CDH18: variants seen among roughly 807,000 people sequenced by gnomAD.
CDH18 encodes cadherin-18.
In CDH18, 31 loss-of-function variants were observed where a neutral mutation model predicts 67.9. The observed-to-expected ratio is 0.46, with a 90% confidence interval of 0.34 to 0.62. The LOEUF (loss-of-function observed/expected upper bound fraction) is 0.62. Ranked by LOEUF, CDH18 falls within the 20% of genes least tolerant of loss-of-function variation. The pLI is 0.01. For missense variants in CDH18, 890 were observed against 975.5 expected (o/e 0.91, Z 1.17); for synonymous variants, 362 against 347.2 (o/e 1.04, Z -0.48).
chr5:20,275,123 G>A (rs1745709691), intron 1 of CDH18, among the ~76,000 whole-genome samples: 1 of 152,062 alleles, frequency 6.6e-6, no homozygotes, highest in South Asian at 2.1e-4. Flanking sequence ...GAGGAGAAAT[G>A]ATATTGGGAC....
At chr5:19,517,545 G>A (rs118151610) in intron 10 of CDH18, among the ~76,000 whole-genome samples, 2 of 152,174 alleles carry the variant, frequency 1.3e-5, no homozygotes, top group East Asian at 1.9e-4. Context: ...CTTAGGTCCT[G>A]TGATTTTGAT....
chr5:20,178,905 C>T (rs1236131207), intron 2 of CDH18, among the ~76,000 whole-genome samples: 2 of 152,118 alleles, frequency 1.3e-5, no homozygotes, highest in African/African-American at 2.4e-5. Context: ...AATTGAATGA[C>T]TGCTTATGGA....
chr5:19,576,828 G>GA (rs1164738091), intron 7 of CDH18, among the ~76,000 whole-genome samples: 3 of 152,062 alleles, frequency 2.0e-5, no homozygotes, highest in African/African-American at 4.8e-5. Context: ...ACAAGATATG[G>GA]AAAAAAACAA....
intron 2 of CDH18, among the ~76,000 whole-genome samples, chr5:20,080,206 A>G (rs1473557153): frequency 6.6e-6 from 1 of 152,134 alleles, no homozygotes; most frequent in Non-Finnish European, 1.5e-5. Flanking sequence ...TTTATACATA[A>G]TGACTATTAC....
chr5:20,215,342 G>A (rs563135216), intron 2 of CDH18, among the ~76,000 whole-genome samples: 1 of 151,856 alleles, frequency 6.6e-6, no homozygotes, highest in East Asian at 1.9e-4. Context: ...GGACATAAAG[G>A]GTTGAGTAAG....
At chr5:19,984,367 A>G (rs1041173442) in intron 1 of CDH18, among the ~76,000 whole-genome samples, 1 of 152,118 alleles carries the variant, frequency 6.6e-6, no homozygotes, top group African/African-American at 2.4e-5. Flanking sequence ...TTTATAATAA[A>G]TTTTAAATGT....
rs1744237403 is a variant in CDH18, at chr5:19,586,866, A to G, written c.999+4191T>C. 2.6e-5 allele frequency among the ~76,000 whole-genome samples: 4 copies of G among 152,104 alleles called. No individual in the cohort carries two copies. In the South Asian group the frequency reaches 8.3e-4, roughly 31 times the overall value. On this transcript the variant is annotated intron_variant, in intron 7 of 12. Coordinates refer to ENST00000382275, the MANE Select transcript of CDH18 (RefSeq NM_004934.5). ...CCTTTTTCTCCACAACCTCGTTAGCATCTGTTGTATTTGACTTTTTAATAA... is the reference window on the plus strand; with the variant it reads ...CCTTTTTCTCCACAACCTCGTTAGCGTCTGTTGTATTTGACTTTTTAATAA...
chr5:20,387,737 G>A (rs141768585), intron 1 of CDH18, among the ~76,000 whole-genome samples: 7,269 of 152,148 alleles, frequency 0.048, 240 homozygotes, highest in Non-Finnish European at 0.073. Flanking sequence ...GCTGAGATAC[G>A]TCCCATTGAT....
chr5:20,538,932 A>G (rs1157441388), intron 1 of CDH18, among the ~76,000 whole-genome samples: 2 of 73,204 alleles, frequency 2.7e-5, no homozygotes, highest in South Asian at 1.0e-3. Flanking sequence ...TTTGTCGCCC[A>G]GGCTGGAGTG....
At chr5:19,494,153 AT>A (rs1357222081) in intron 11 of CDH18, among the ~76,000 whole-genome samples, 10 of 151,994 alleles carry the variant, frequency 6.6e-5, no homozygotes, top group African/African-American at 2.4e-4. Context: ...AAGTTAGAAG[AT>A]TTCCACTCTT....
intron 2 of CDH18, among the ~76,000 whole-genome samples, chr5:20,075,489 T>C (rs2150531778): frequency 6.6e-6 from 1 of 151,488 alleles, no homozygotes; most frequent in African/African-American, 2.4e-5. Context: ...CTGATAGAGA[T>C]AGACTCTGCC....
chr5:19,548,465 G>A (rs953009352), intron 8 of CDH18, among the ~76,000 whole-genome samples: 2 of 151,862 alleles, frequency 1.3e-5, no homozygotes, highest in African/African-American at 4.8e-5. Context: ...GAGGCAGAGA[G>A]GAAATACTTA....
At chr5:19,755,429 AT>A (rs1771422448) in intron 3 of CDH18, among the ~76,000 whole-genome samples, 2 of 20,322 alleles carry the variant, frequency 9.8e-5, no homozygotes, top group African/African-American at 1.2e-4. Context: ...CTAACAGGGT[AT>A]GTATATATAT....
intron 11 of CDH18, among the ~76,000 whole-genome samples, chr5:19,502,293 G>T (rs888762348): frequency 6.6e-6 from 1 of 152,090 alleles, no homozygotes; most frequent in Non-Finnish European, 1.5e-5. Context: ...AGAAAAAGTT[G>T]ATCCTAATCA....
rs1011664362 is a variant in CDH18 at position 19,512,859 on chromosome 5, C to T, written c.1512+7798G>A. ...ATATCTATGATCGTGCAGAGAATAG[C>T]TATAATTCCACTTATACCTTTTGAT... On this transcript the variant is annotated intron_variant, in intron 10 of 12. Coordinates refer to ENST00000382275, the MANE Select transcript of CDH18 (RefSeq NM_004934.5). 3.3e-5 allele frequency among the ~76,000 whole-genome samples: 5 copies of T among 152,022 alleles called. No homozygotes were observed. In the South Asian group the frequency reaches 1.0e-3, roughly 32 times the overall value.
At chr5:20,571,681 A>G (rs1013518390) in intron 1 of CDH18, among the ~76,000 whole-genome samples, 1 of 152,150 alleles carries the variant, frequency 6.6e-6, no homozygotes, top group Admixed American at 6.6e-5. Flanking sequence ...TAAAGGAGAT[A>G]TCTTTACCAT....
chr5:20,082,572 G>C (rs1264091049), intron 2 of CDH18, among the ~76,000 whole-genome samples: 1 of 152,044 alleles, frequency 6.6e-6, no homozygotes, highest in African/African-American at 2.4e-5. Flanking sequence ...ATTTAGTTAT[G>C]TTTCCTTCCT....
intron 1 of CDH18, among the ~76,000 whole-genome samples, chr5:20,336,724 C>CAAAACAAAAAAAAAA (rs1739794837): frequency 1.6e-5 from 1 of 63,472 alleles, no homozygotes; most frequent in South Asian, 7.6e-4. Context: ...GCCTCTGTCT[C>CAAAACAAAAAAAAAA]AAAAAAAAAA....
chr5:19,625,919 C>T (rs895072876), intron 5 of CDH18, among the ~76,000 whole-genome samples: 11 of 152,108 alleles, frequency 7.2e-5, no homozygotes, highest in Non-Finnish European at 8.8e-5. Flanking sequence ...CTTTTCCCCC[C>T]TTTTCTTCCT....
Sources: gnomAD v4.1 joint callset for allele counts (sites outside exome capture counted in the v4.1 genomes callset) on GRCh38, gnomAD v4.1.1 for gene constraint, MANE v1.5 for transcripts, NCBI Gene and HGNC (gene_info 2026-07-23, HGNC 2026-07-21) for gene names.